EPHB2: variants seen among roughly 807,000 people sequenced by gnomAD.
The protein encoded by EPHB2 is EPH receptor B2.
A neutral mutation model predicts 96.4 loss-of-function variants in EPHB2; 18 were observed. That is an observed-to-expected ratio of 0.19 (90% CI 0.13 to 0.28). EPHB2 has a LOEUF of 0.28. EPHB2 is among the 10% of genes least tolerant of loss of function. The pLI, the probability that EPHB2 is intolerant of heterozygous loss-of-function variation, is 1.00. For synonymous variants in EPHB2, 506 were observed against 534.1 expected (o/e 0.95, Z 0.72); for missense variants, 989 against 1,355.4 (o/e 0.73, Z 4.25).
chr1:22,738,062 T>C (rs185615000), intron 1 of EPHB2, among the ~76,000 whole-genome samples: 9 of 152,234 alleles, frequency 5.9e-5, no homozygotes, highest in South Asian at 2.1e-4. Context: ...GGTCAAACCA[T>C]TTAAAGATAA....
At chr1:22,853,106 T>C (rs1340860208) in intron 3 of EPHB2, among the ~76,000 whole-genome samples, 1 of 152,182 alleles carries the variant, frequency 6.6e-6, no homozygotes, top group Non-Finnish European at 1.5e-5. Flanking sequence ...ATCCCAGCAC[T>C]TTGGGAGGCC....
intron 1 of EPHB2, among the ~76,000 whole-genome samples, chr1:22,744,175 C>A (rs1016262185): frequency 0.041 from 27 of 664 alleles, no homozygotes; most frequent in Non-Finnish European, 0.19. Context: ...GTCATATAAC[C>A]CCCCCACCCC....
At chr1:22,731,764 C>T (rs1184514257) in intron 1 of EPHB2, among the ~76,000 whole-genome samples, 3 of 152,252 alleles carry the variant, frequency 2.0e-5, no homozygotes, top group Non-Finnish European at 4.4e-5. Context: ...CGCTTGAACC[C>T]GGGAAGTGGA....
intron 5 of EPHB2, among the ~76,000 whole-genome samples, chr1:22,878,223 C>T (rs138436152): frequency 2.1e-3 from 317 of 152,316 alleles, no homozygotes; most frequent in African/African-American, 7.4e-3. Flanking sequence ...GTGAACGGAG[C>T]AGCCTCTGCT....
intron 9 of EPHB2, among the ~76,000 whole-genome samples, chr1:22,900,528 C>G (rs1282272942): frequency 6.6e-6 from 1 of 152,136 alleles, no homozygotes; most frequent in African/African-American, 2.4e-5. Flanking sequence ...GGGGTATGAA[C>G]TCCAGCTGTC....
intron 3 of EPHB2, chr1:22,835,721 A>T (rs546571344): frequency 6.6e-6 from 1 of 152,348 alleles, no homozygotes; most frequent in Non-Finnish European, 1.5e-5. Flanking sequence ...GAGCACGGTA[A>T]GGGGTACCTG....
chr1:22,770,797 A>G (rs565598295), intron 1 of EPHB2, among the ~76,000 whole-genome samples: 1 of 152,226 alleles, frequency 6.6e-6, no homozygotes, highest in African/African-American at 2.4e-5. Context: ...ATGAATGGAT[A>G]CATATGTGAG....
intron 1 of EPHB2, among the ~76,000 whole-genome samples, chr1:22,773,635 C>T (rs1644408462): frequency 6.6e-6 from 1 of 152,216 alleles, no homozygotes; most frequent in South Asian, 2.1e-4. Context: ...TGTGACCCAG[C>T]GGTTCTCAGA....
At chr1:22,718,609 G>T (rs1643355065) in intron 1 of EPHB2, among the ~76,000 whole-genome samples, 1 of 151,888 alleles carries the variant, frequency 6.6e-6, no homozygotes, top group African/African-American at 2.4e-5. Flanking sequence ...GGCTGGTCTC[G>T]AACTCTGACC....
chr1:22,845,849 A>G (rs1176954939), intron 3 of EPHB2, among the ~76,000 whole-genome samples: 2 of 152,212 alleles, frequency 1.3e-5, no homozygotes, highest in Non-Finnish European at 2.9e-5. Context: ...GGCCATGTCT[A>G]GGCAATTTGT....
At chr1:22,753,065 A>G (rs953638459) in intron 1 of EPHB2, among the ~76,000 whole-genome samples, 2 of 150,088 alleles carry the variant, frequency 1.3e-5, no homozygotes, top group Non-Finnish European at 3.0e-5. Flanking sequence ...ACAGGCATGA[A>G]CCACTACACC....
At chr1:22,725,312 G>A (rs1294863956) in intron 1 of EPHB2, among the ~76,000 whole-genome samples, 4 of 152,088 alleles carry the variant, frequency 2.6e-5, no homozygotes, top group Non-Finnish European at 5.9e-5. Flanking sequence ...TGATGGTGAG[G>A]TAGATTGTTG....
chr1:22,809,945 G>C (rs1300048952), intron 3 of EPHB2, among the ~76,000 whole-genome samples: 5 of 152,210 alleles, frequency 3.3e-5, no homozygotes, highest in Non-Finnish European at 7.3e-5. Context: ...TGGTTCTGAA[G>C]GTAGGGTAGG....
rs1645771849 is a variant in EPHB2 at position 22,860,165 on chromosome 1, G to T, written c.812-2872G>T. On this transcript the variant is annotated intron_variant, in intron 3 of 15. Coordinates refer to ENST00000374630, the MANE Select transcript of EPHB2 (RefSeq NM_017449.5). This position sits in a 1 kb window ranked among gnomAD's most constrained non-coding sequence, Gnocchi z 4.6. ...ATTGTGGATTTTTAAGACTTGGAAA[G>T]GTCTGCACTCCAGAGAGCTAGTTTG... 6.6e-6 allele frequency among the ~76,000 whole-genome samples: 1 copy of T among 152,136 alleles called. No homozygotes were observed. The highest frequency in any genetic ancestry group is 2.4e-5 in the African/African-American group (1 of 41,432).
chr1:22,715,641 C>T (rs1056120314), intron 1 of EPHB2, among the ~76,000 whole-genome samples: 2 of 152,192 alleles, frequency 1.3e-5, no homozygotes, highest in African/African-American at 4.8e-5. Flanking sequence ...ATCAGAAAGC[C>T]AGTTGACTTA....
chr1:22,725,885 A>C (rs932829323), intron 1 of EPHB2, among the ~76,000 whole-genome samples: 1 of 152,164 alleles, frequency 6.6e-6, no homozygotes, highest in African/African-American at 2.4e-5. Context: ...GGGAGATGCA[A>C]CAGCAGGGGA....
intron 1 of EPHB2, among the ~76,000 whole-genome samples, chr1:22,714,199 A>G (rs574137471): frequency 1.3e-5 from 2 of 152,278 alleles, no homozygotes; most frequent in African/African-American, 2.4e-5. Context: ...ACGGGGTCCA[A>G]CGTACTTCCC....
At chr1:22,892,238 G>A (rs1216934364) in intron 6 of EPHB2, among the ~76,000 whole-genome samples, 1 of 152,182 alleles carries the variant, frequency 6.6e-6, no homozygotes, top group Admixed American at 6.5e-5. Flanking sequence ...CATAGGGCAG[G>A]GAAGGGGATA....
At chr1:22,760,198 G>A (rs1013303533) in intron 1 of EPHB2, among the ~76,000 whole-genome samples, 1 of 152,080 alleles carries the variant, frequency 6.6e-6, no homozygotes, top group Admixed American at 6.5e-5. Flanking sequence ...TGGTGGAGGT[G>A]GGGCACTCAG....
Sources: allele counts gnomAD v4.1 joint callset (sites outside exome capture counted in the v4.1 genomes callset), GRCh38; gene constraint gnomAD v4.1.1; non-coding constraint Gnocchi (gnomAD v3.1); transcripts MANE v1.5; gene names NCBI Gene and HGNC (gene_info 2026-07-23, HGNC 2026-07-21).